LSM3: variants seen among roughly 807,000 people sequenced by gnomAD.
LSM3 encodes LSM3 homolog, U6 small nuclear RNA and mRNA degradation associated.
In LSM3, 14 loss-of-function variants were observed where a neutral mutation model predicts 15.4. The ratio of observed to expected loss-of-function variants is 0.91; its 90% confidence interval spans 0.60 to 1.42. The LOEUF (loss-of-function observed/expected upper bound fraction) is 1.42. Among genes scored for constraint, LSM3 ranks in the 40% most tolerant of loss-of-function variants. LSM3 has a pLI of 0.00. For synonymous variants in LSM3, 46 were observed against 45.1 expected (o/e 1.02, Z -0.08); for missense variants, 88 against 127.9 (o/e 0.69, Z 1.50).
intron 2 of LSM3, among the ~76,000 whole-genome samples, chr3:14,183,396 TC>T (rs1697058160): frequency 6.6e-6 from 1 of 152,238 alleles, no homozygotes; most frequent in African/African-American, 2.4e-5. Flanking sequence ...ACATTTAAGT[TC>T]TGGATAGGTT....
chr3:14,189,835 C>G (rs1477255489), intron 3 of LSM3, among the ~76,000 whole-genome samples: 1 of 152,102 alleles, frequency 6.6e-6, no homozygotes, highest in African/African-American at 2.4e-5. Flanking sequence ...GCTTTTGTTG[C>G]CATTGCTTTT....
At chr3:14,180,843 TTTTTTTTTTTTTTTAA>T (rs1697029909) in intron 1 of LSM3, among the ~76,000 whole-genome samples, 2 of 121,448 alleles carry the variant, frequency 1.6e-5, no homozygotes, top group South Asian at 5.2e-4. Context: ...TTTTTTTTTT[TTTTTTTTTTTTTTTAA>T]AAAAAAAAAA....
At chr3:14,181,722 T>C (rs964465891) in intron 2 of LSM3, 52 bp downstream of exon 2, 1 of 1,286,898 alleles carries the variant, frequency 7.8e-7, no homozygotes, top group Non-Finnish European at 1.1e-6. Context: ...CTACCCCCAC[T>C]CCCTTGAAAT....
At chr3:14,181,030 C>G (rs1697033187) in intron 1 of LSM3, among the ~76,000 whole-genome samples, 1 of 151,806 alleles carries the variant, frequency 6.6e-6, no homozygotes, top group Non-Finnish European at 1.5e-5. Context: ...CCAGTGCTTT[C>G]AACCAGTGTT....
intron 3 of LSM3, among the ~76,000 whole-genome samples, chr3:14,188,679 G>A (rs751976454): frequency 1.1e-4 from 17 of 151,366 alleles, no homozygotes; most frequent in African/African-American, 3.6e-4. Context: ...TTGTGCTTTC[G>A]TTTTTAGCTT....
intron 1 of LSM3, 145 bp downstream of exon 1, chr3:14,179,026 G>T: frequency 1.2e-6 from 1 of 849,652 alleles, no homozygotes; most frequent in Non-Finnish European, 1.9e-6. Flanking sequence ...CCCCCCCTCC[G>T]AATTTTGCCG....
intron 2 of LSM3, among the ~76,000 whole-genome samples, chr3:14,182,725 T>C (rs1454755016): frequency 6.6e-6 from 1 of 152,236 alleles, no homozygotes; most frequent in East Asian, 1.9e-4. Flanking sequence ...GCATTTTGTG[T>C]GTGATATCTC....
In LSM3 at chr3:14,198,327, T is replaced by C; in HGVS notation, c.*211T>C. The C allele has an allele frequency of 1.9e-6, 1 of 520,638 alleles. No individual in the cohort carries two copies. The highest frequency in any genetic ancestry group is 3.4e-6 in the Non-Finnish European group (1 of 294,016). The allele number at this position is 520,638 out of a possible 1,614,324, so 32.3% of individuals were successfully genotyped here. A position where few individuals can be genotyped will look rare whatever the true frequency, so the allele number is the denominator to read the frequency against. ...CATTTTTCTCAAGCTCTCCAATAAATATGACCACCAAGATGCAGAACTCTT... is the reference window on the plus strand; with the variant it reads ...CATTTTTCTCAAGCTCTCCAATAAACATGACCACCAAGATGCAGAACTCTT... On this transcript the variant is annotated 3_prime_UTR_variant, in exon 4 of 4. Transcript: ENST00000306024.
At chr3:14,181,455 G>C (rs1318558421) in intron 1 of LSM3, 105 bp from the exon 2 acceptor site, 1 of 727,382 alleles carries the variant, frequency 1.4e-6, no homozygotes, top group East Asian at 2.5e-5. Flanking sequence ...AGGAGACTGA[G>C]GCAGAAAAAG....
In LSM3 at chr3:14,198,073, G is replaced by A. The variant is rs1419546305; in HGVS notation, c.266G>A (p.Gly89Glu). 1.2e-6 allele frequency: 2 copies of A among 1,613,724 alleles called. No individual in the cohort carries two copies. The highest frequency in any genetic ancestry group is 1.7e-5 in the Admixed American group (1 of 60,002). ...AATATTCCAATGCTCTTTGTCCGGG[G>A]AGATGGCGTTGTCCTGGTTGCCCCT... ...KRNIPMLFVR[G>E]DGVVLVAPPL... is the part of the protein sequence containing the mutation. Residue 89 changes from glycine to glutamate, a missense_variant, in exon 4 of 4, where the codon GGA becomes GAA. Gly to Glu is a moderately conservative substitution (Grantham distance 98). Transcript: ENST00000306024.
At chr3:14,192,861 C>A (rs1559392915) in intron 3 of LSM3, among the ~76,000 whole-genome samples, 1 of 152,226 alleles carries the variant, frequency 6.6e-6, no homozygotes, top group Admixed American at 6.5e-5. Flanking sequence ...AATGCAGTTT[C>A]TTCATAGTGT....
intron 1 of LSM3, among the ~76,000 whole-genome samples, chr3:14,180,839 TTTTTTTTTTTTTTTTTTTAAA>T (rs1559390184): frequency 2.8e-4 from 35 of 126,068 alleles, no homozygotes; most frequent in African/African-American, 1.0e-3. Flanking sequence ...TTTTTTTTTT[TTTTTTTTTTTTTTTTTTTAAA>T]AAAAAAAAAG....
At position 14,198,045 on chromosome 3, in the gene LSM3, C is replaced by T. The variant is rs758716653; in HGVS notation, c.238C>T (p.Arg80Trp). ...TYEEIYKSTK[R>W]NIPMLFVRGD... ...TTTTTTTCTCTTCTAGTCAACGAAA[C>T]GGAATATTCCAATGCTCTTTGTCCG... Residue 80 changes from arginine to tryptophan, a missense_variant, in exon 4 of 4, where the codon CGG becomes TGG. Physicochemically the swap from Arg to Trp is moderately radical, Grantham distance 101. Transcript: ENST00000306024. 39 of 1,613,094 alleles carry T rather than the reference C, an allele frequency of 2.4e-5. No homozygotes were observed. Among genetic ancestry groups the T allele is most frequent in the East Asian group, 6.7e-5 (3 of 44,876 alleles).
At chr3:14,194,535 A>G (rs999485600) in intron 3 of LSM3, among the ~76,000 whole-genome samples, 19 of 152,162 alleles carry the variant, frequency 1.2e-4, no homozygotes, top group African/African-American at 4.3e-4. Flanking sequence ...TCTACTGCCC[A>G]TCATAATACC....
chr3:14,197,349 C>T (rs1697195629), intron 3 of LSM3, among the ~76,000 whole-genome samples: 1 of 152,260 alleles, frequency 6.6e-6, no homozygotes, highest in Admixed American at 6.5e-5. Flanking sequence ...CCTTGGGCTA[C>T]ATTCCAAGTT....
At chr3:14,191,615 G>T (rs916452115) in intron 3 of LSM3, among the ~76,000 whole-genome samples, 3 of 152,256 alleles carry the variant, frequency 2.0e-5, no homozygotes, top group African/African-American at 7.2e-5. Context: ...ATTTCTGTGG[G>T]ATCAGTGGTG....
chr3:14,185,096 A>G (rs1488004339), intron 3 of LSM3, among the ~76,000 whole-genome samples: 3 of 151,960 alleles, frequency 2.0e-5, no homozygotes, highest in Non-Finnish European at 2.9e-5. Flanking sequence ...CATGCCTGCA[A>G]TCCCACCACT....
intron 3 of LSM3, among the ~76,000 whole-genome samples, chr3:14,194,339 GC>G (rs1274312850): frequency 2.6e-5 from 4 of 152,246 alleles, no homozygotes; most frequent in Non-Finnish European, 4.4e-5. Flanking sequence ...GTTTAAGTCT[GC>G]TATAAGCCCC....
intron 3 of LSM3, among the ~76,000 whole-genome samples, chr3:14,193,535 A>G (rs922545971): frequency 2.6e-5 from 4 of 152,134 alleles, no homozygotes; most frequent in African/African-American, 4.8e-5. Context: ...TTGATCTTCA[A>G]TCACTGATGT....
Sources: allele counts gnomAD v4.1 joint callset (sites outside exome capture counted in the v4.1 genomes callset), GRCh38; gene constraint gnomAD v4.1.1; transcripts MANE v1.5; gene names NCBI Gene and HGNC (gene_info 2026-07-23, HGNC 2026-07-21).